Variants in C3orf52 observed in about 807,000 individuals in gnomAD.
C3orf52 encodes TPA-induced transmembrane protein.
Under a neutral mutation model 24.8 loss-of-function variants are expected in C3orf52, and 22 were observed. The observed-to-expected ratio is 0.89, with a 90% CI of 0.63 to 1.27. The LOEUF (loss-of-function observed/expected upper bound fraction) is 1.27, where lower values mean the gene tolerates loss of function less well. C3orf52 is among the 50% of genes most tolerant of loss of function. The pLI, the probability that C3orf52 is intolerant of heterozygous loss-of-function variation, is 0.00. For missense variants in C3orf52, 265 were observed against 260.7 expected, an observed-to-expected ratio of 1.02 and a Z score of -0.11; for synonymous variants, 93 against 100.2, an observed-to-expected ratio of 0.93 and a Z score of 0.43.
intron 1 of C3orf52, among the ~76,000 whole-genome samples, chr3:112,091,919 G>A (rs1446617115): frequency 6.6e-6 from 1 of 152,116 alleles, no homozygotes; most frequent in Non-Finnish European, 1.5e-5. Flanking sequence ...CAGGAGAATG[G>A]CGTGAACCCG....
At chr3:112,113,876 G>C (rs540896980) in intron 5 of C3orf52, among the ~76,000 whole-genome samples, 1 of 152,316 alleles carries the variant, frequency 6.6e-6, no homozygotes, top group East Asian at 1.9e-4. Context: ...TTGTAGTGAA[G>C]CTCTGGCCTT....
At chr3:112,135,046 A>G (rs983967347), downstream of C3orf52, 2 of 154,884 alleles carry the variant, frequency 1.3e-5, no homozygotes, top group African/African-American at 4.8e-5. Context: ...TAGTGCCCAC[A>G]TGACTGTATG....
At chr3:112,088,179 G>C (rs2073846220) in intron 1 of C3orf52, among the ~76,000 whole-genome samples, 1 of 152,176 alleles carries the variant, frequency 6.6e-6, no homozygotes, top group Non-Finnish European at 1.5e-5. Context: ...ATGGAGTGAA[G>C]GTGAAGGGCT....
chr3:112,091,952 G>T (rs896071015), intron 1 of C3orf52, among the ~76,000 whole-genome samples: 1 of 151,872 alleles, frequency 6.6e-6, no homozygotes, highest in African/African-American at 2.4e-5. Flanking sequence ...TGCAGTGAGC[G>T]GAGATCGTGC....
At chr3:112,118,748 A>T (rs1229868905), downstream of C3orf52, among the ~76,000 whole-genome samples, 1 of 152,234 alleles carries the variant, frequency 6.6e-6, no homozygotes, top group Admixed American at 6.5e-5. Flanking sequence ...CATGATGAGC[A>T]TAATGCCTGG....
downstream of C3orf52, chr3:112,130,636 G>C (rs1576172095): frequency 1.7e-5 from 14 of 841,014 alleles, no homozygotes; most frequent in East Asian, 3.4e-4. Flanking sequence ...TTGACTGGTT[G>C]CCCTCACACA....
intron 2 of C3orf52, among the ~76,000 whole-genome samples, chr3:112,098,560 A>G (rs2073945507): frequency 1.3e-5 from 2 of 152,222 alleles, no homozygotes; most frequent in Admixed American, 1.3e-4. Context: ...AACTGTCATC[A>G]TCTCAATTAT....
chr3:112,105,327 T>C (rs1363823864), intron 3 of C3orf52, among the ~76,000 whole-genome samples: 1 of 152,218 alleles, frequency 6.6e-6, no homozygotes, highest in Non-Finnish European at 1.5e-5. Flanking sequence ...GGTGACAGAT[T>C]CCTGCCCTTC....
At chr3:112,134,396 C>T (rs1228726615), downstream of C3orf52, 1 of 152,186 alleles carries the variant, frequency 6.6e-6, no homozygotes, top group East Asian at 1.9e-4. Flanking sequence ...TAACACATCC[C>T]TAAATGCTGC....
chr3:112,126,655 G>A (rs985708903), intron 4 of C3orf52, among the ~76,000 whole-genome samples: 16 of 152,206 alleles, frequency 1.1e-4, no homozygotes, highest in Non-Finnish European at 1.9e-4. Context: ...TTGGCCAGGA[G>A]GCCCCACCCC....
At chr3:112,130,394 T>G, downstream of C3orf52, 1 of 1,465,932 alleles carries the variant, frequency 6.8e-7, no homozygotes, top group South Asian at 1.1e-5. Flanking sequence ...TTGACATACT[T>G]CGTTCTCCTT....
chr3:112,113,956 C>G (rs1355542135), intron 5 of C3orf52, among the ~76,000 whole-genome samples: 1 of 152,220 alleles, frequency 6.6e-6, no homozygotes, highest in Non-Finnish European at 1.5e-5. Flanking sequence ...CTAATGCCAA[C>G]AATCTTGAAT....
intron 4 of C3orf52, among the ~76,000 whole-genome samples, chr3:112,110,622 G>A (rs2107787446): frequency 6.6e-6 from 1 of 152,320 alleles, no homozygotes; most frequent in African/African-American, 2.4e-5. Flanking sequence ...GGGTGTATGT[G>A]TGTAGAGTCC....
At chr3:112,114,276 T>A (rs1383103594) in intron 5 of C3orf52, among the ~76,000 whole-genome samples, 2 of 152,166 alleles carry the variant, frequency 1.3e-5, no homozygotes, top group East Asian at 3.9e-4. Context: ...GAAGGCCAAA[T>A]TTTAGCTCAC....
chr3:112,119,642 G>A, downstream of C3orf52: 2 of 607,988 alleles, frequency 3.3e-6, no homozygotes, highest in Admixed American at 2.8e-5. Context: ...TCAATGCTAA[G>A]AAAAAATGGG....
chr3:112,129,454 T>C (rs753003999), downstream of C3orf52: 1 of 152,198 alleles, frequency 6.6e-6, no homozygotes, highest in Non-Finnish European at 1.5e-5. Context: ...GTGGTTTTGG[T>C]TTGGGATGGG....
In C3orf52 at chr3:112,093,472, G is replaced by A. The variant is rs773982584; in HGVS notation, c.251G>A (p.Gly84Asp). ...GGTGTCATTACAGTGATCATCATAG[G>A]CTTATGTCTTGCTGCAGGTAAGAGG... The part of the protein sequence containing the change: ...FLGVITVIII[G>D]LCLAAVTYVD... Residue 84 changes from glycine (G) to aspartate (D), a missense_variant, in exon 2 of 6, where the codon GGC (glycine) becomes GAC (aspartate). Transcript: ENST00000264848. The A allele has an allele frequency of 1.2e-6, 2 of 1,613,324 alleles. No homozygotes were observed. Among genetic ancestry groups the A allele is most frequent in the Non-Finnish European group, 1.7e-6 (2 of 1,179,566 alleles).
downstream of C3orf52, among the ~76,000 whole-genome samples, chr3:112,131,902 G>GA (rs1270354704): frequency 6.6e-6 from 1 of 152,088 alleles, no homozygotes; most frequent in African/African-American, 2.4e-5. Context: ...AATAGCATAA[G>GA]ATGTGTGCAC....
intron 2 of C3orf52, among the ~76,000 whole-genome samples, chr3:112,100,635 C>T (rs1046071251): frequency 2.0e-5 from 3 of 152,150 alleles, no homozygotes; most frequent in African/African-American, 7.2e-5. Context: ...TTGGCATCCC[C>T]TATTGTTTTC....
Sources: allele counts gnomAD v4.1 joint callset (sites outside exome capture counted in the v4.1 genomes callset), GRCh38; gene constraint gnomAD v4.1.1; transcripts MANE v1.5; gene names NCBI Gene and HGNC (gene_info 2026-07-23, HGNC 2026-07-21).